GLOD4: variants seen among roughly 807,000 people sequenced by gnomAD.
GLOD4 encodes the protein glyoxalase domain containing 4, also known as glyoxalase domain-containing protein 4.
GLOD4 carries 44 observed loss-of-function variants against 39.1 expected under a neutral mutation model. The ratio of observed to expected loss-of-function variants is 1.13; its 90% CI spans 0.88 to 1.45. GLOD4 has a LOEUF of 1.45. Among genes scored for constraint, GLOD4 ranks in the 40% most tolerant of loss-of-function variants. GLOD4 has a pLI of 0.00. For missense variants in GLOD4, 405 were observed against 366.4 expected (o/e 1.11, Z -0.86); for synonymous variants, 145 against 135.0 (o/e 1.07, Z -0.52).
chr17:769,458 G>A lies in GLOD4; in HGVS notation c.831+411C>T, dbSNP rs1001055193. ...GGGGAACGGATAGAGGCATCTCCAT[G>A]GGGAGAGCTGAGGGGGTCAGATGGA... On this transcript the variant is annotated intron_variant, in intron 8 of 8. Coordinates refer to ENST00000301329, the MANE Select transcript of GLOD4 (RefSeq NM_016080.4). Among the ~76,000 whole-genome samples the A allele has an allele frequency of 3.4e-5, 5 of 149,150 alleles. No individual in the cohort carries two copies. The South Asian group carries it at 6.4e-4, about 19-fold the overall frequency.
chr17:767,418 C>A (rs1429743248), intron 8 of GLOD4, among the ~76,000 whole-genome samples: 2 of 152,176 alleles, frequency 1.3e-5, no homozygotes, highest in Non-Finnish European at 1.5e-5. Context: ...CAGTGCAAAA[C>A]AGACTGAAGT....
chr17:768,729 G>T (rs1907273845), intron 8 of GLOD4, among the ~76,000 whole-genome samples: 1 of 133,708 alleles, frequency 7.5e-6, no homozygotes, highest in African/African-American at 2.9e-5. Context: ...ACGTGAGAGA[G>T]AGAAACAGCG....
chr17:782,506 C>T (rs536301279), upstream of GLOD4: 1 of 1,613,534 alleles, frequency 6.2e-7, no homozygotes, highest in Non-Finnish European at 8.5e-7. Flanking sequence ...GTGGTGTTTC[C>T]TTCCGGAGAG....
At position 760,073 on chromosome 17, in the gene GLOD4, C is replaced by T. The variant is rs904371968; in HGVS notation, c.*100G>A. ...CACTACCCAAGCCTCCTTGCCTGTA[C>T]GGGAAACAAATCAGAAGAGCATTTA... On this transcript the variant is annotated 3_prime_UTR_variant, in exon 9 of 9. Transcript: ENST00000301329. The T allele has an allele frequency of 3.2e-5, 24 of 761,700 alleles. No homozygotes were observed. The highest frequency in any genetic ancestry group is 1.5e-4 in the South Asian group (10 of 68,300). 47.2% of individuals were successfully genotyped at this position (761,700 alleles called of 1,614,324 possible).
chr17:770,740 G>A (rs1217196845), intron 5 of GLOD4: 5 of 393,192 alleles, frequency 1.3e-5, no homozygotes, highest in African/African-American at 1.0e-4. Context: ...AAATTATTCT[G>A]TTCCTTGTTT....
intron 4 of GLOD4, among the ~76,000 whole-genome samples, chr17:771,882 G>A (rs914677156): frequency 9.2e-5 from 14 of 151,808 alleles, no homozygotes; most frequent in East Asian, 3.9e-4. Context: ...GCGTGGTGGC[G>A]CACGCCTGTA....
intron 8 of GLOD4, among the ~76,000 whole-genome samples, chr17:768,567 C>T: frequency 1.5e-5 from 2 of 130,904 alleles, no homozygotes; most frequent in African/African-American, 3.0e-5. Context: ...AGAGAAACAG[C>T]GCGCACTCAG....
rs1908861582 is a variant in GLOD4 at position 775,919 on chromosome 17, C to G, written c.262G>C (p.Gly88Arg). 1 of 1,612,548 alleles carries G rather than the reference C, an allele frequency of 6.2e-7. No individual in the cohort carries two copies. Among genetic ancestry groups the G allele is most frequent in the East Asian group, 2.2e-5 (1 of 44,876 alleles). ...GCCTGGCTAGAAGCGAGCGTGATTC[C>G]CTACAACAAACAACAGTACATCCAA... The part of the protein sequence containing the change: ...GDYKLGNDFM[G>R]ITLASSQAVS... The change falls in exon 4 of 9, where the codon GGA (glycine) becomes CGA (arginine). Residue 88 changes from glycine to arginine, a missense_variant and splice_region_variant. By Grantham distance (125) the Gly-to-Arg change is moderately radical. Transcript: ENST00000301329.
At chr17:782,977 C>G, upstream of GLOD4, 25 of 1,472,124 alleles carry the variant, frequency 1.7e-5, 1 homozygote, top group South Asian at 3.3e-4. Context: ...CGTGAGCCAC[C>G]GCGCCCGGCC....
At chr17:784,391 A>ACAGC (rs1217175287), upstream of GLOD4, among the ~76,000 whole-genome samples, 1 of 152,204 alleles carries the variant, frequency 6.6e-6, no homozygotes, top group African/African-American at 2.4e-5. Flanking sequence ...CTCACTAGCT[A>ACAGC]CAGCCCTCTA....
chr17:772,319 T>C (rs1289799906), intron 4 of GLOD4, among the ~76,000 whole-genome samples: 1 of 151,624 alleles, frequency 6.6e-6, no homozygotes, highest in Admixed American at 6.6e-5. Context: ...AATACATTCC[T>C]GATGGGTTAA....
At chr17:777,166 A>G (rs1409834445) in intron 2 of GLOD4, 178 bp from the exon 3 acceptor site, 1 of 605,024 alleles carries the variant, frequency 1.7e-6, no homozygotes, top group Non-Finnish European at 2.9e-6. Context: ...ATGGGACCCT[A>G]CTACAAGCTC....
chr17:779,961 G>A (rs955205836), intron 1 of GLOD4, among the ~76,000 whole-genome samples: 11 of 152,054 alleles, frequency 7.2e-5, no homozygotes, highest in African/African-American at 2.4e-4. Context: ...TCAGGAGATC[G>A]AGACCATCCT....
At chr17:778,784 T>A in intron 1 of GLOD4, 40 bp from the exon 2 acceptor site, 1 of 1,217,782 alleles carries the variant, frequency 8.2e-7, no homozygotes, top group Non-Finnish European at 1.2e-6. Flanking sequence ...GTGTTGCTAG[T>A]ACTGCTCACA....
At chr17:782,620 C>T (rs754872099), upstream of GLOD4, 7 of 1,613,956 alleles carry the variant, frequency 4.3e-6, no homozygotes, top group South Asian at 6.6e-5. Flanking sequence ...GAGTCCGCAT[C>T]CCGCGCTCCC....
upstream of GLOD4, chr17:782,602 C>A (rs149075054): frequency 1.2e-6 from 2 of 1,613,918 alleles, no homozygotes; most frequent in African/African-American, 2.7e-5. Context: ...GAGAAACAAC[C>A]GCTCGAGGAG....
intron 3 of GLOD4, 97 bp downstream of exon 3, chr17:776,771 T>C (rs1472982919): frequency 1.7e-5 from 15 of 905,260 alleles, no homozygotes; most frequent in Non-Finnish European, 2.7e-5. Context: ...GCTCAAATGT[T>C]ATCTCTTCAC....
At chr17:767,779 T>TGA (rs750586199) in intron 8 of GLOD4, among the ~76,000 whole-genome samples, 1 of 132,608 alleles carries the variant, frequency 7.5e-6, no homozygotes, top group Non-Finnish European at 1.6e-5. Context: ...GGAGAGGATG[T>TGA]GAGAGAGAGA....
At chr17:761,598 G>A (rs1284866364) in intron 8 of GLOD4, among the ~76,000 whole-genome samples, 2 of 152,172 alleles carry the variant, frequency 1.3e-5, no homozygotes, top group African/African-American at 4.8e-5. Context: ...TCTGCCTTCT[G>A]GGTTCAAGTG....
Sources: gnomAD v4.1 joint callset for allele counts (sites outside exome capture counted in the v4.1 genomes callset) on GRCh38, gnomAD v4.1.1 for gene constraint, MANE v1.5 for transcripts, NCBI Gene and HGNC (gene_info 2026-07-23, HGNC 2026-07-21) for gene names.